VPS13B: variants seen among roughly 807,000 people sequenced by gnomAD.
VPS13B encodes the protein vacuolar protein sorting 13 homolog B.
A neutral mutation model predicts 426.4 loss-of-function variants in VPS13B; 285 were observed. The observed-to-expected ratio is 0.67, with a 90% CI of 0.61 to 0.74. The LOEUF (loss-of-function observed/expected upper bound fraction) is 0.74, where lower values mean the gene tolerates loss of function less well. Among genes scored for constraint, VPS13B ranks in the 30% least tolerant of loss-of-function variants. VPS13B has a pLI of 0.00. For missense variants in VPS13B, 4,537 were observed against 4,782.6 expected, an observed-to-expected ratio of 0.95 and a Z score of 1.51; for synonymous variants, 1,676 against 1,676.4, an observed-to-expected ratio of 1.00 and a Z score of 0.01.
chr8:99,022,054 T>A (rs1245422289), intron 2 of VPS13B, among the ~76,000 whole-genome samples: 1 of 152,134 alleles, frequency 6.6e-6, no homozygotes, highest in Non-Finnish European at 1.5e-5. Context: ...ATTAATATTT[T>A]CAAAGAACTA....
intron 31 of VPS13B, among the ~76,000 whole-genome samples, chr8:99,566,119 C>T (rs761356596): frequency 2.6e-5 from 4 of 152,118 alleles, no homozygotes; most frequent in Non-Finnish European, 5.9e-5. Flanking sequence ...TTCTTCCTTA[C>T]ATGTTGGCTG....
chr8:99,366,634 G>A (rs908468234), intron 19 of VPS13B, among the ~76,000 whole-genome samples: 5 of 149,826 alleles, frequency 3.3e-5, no homozygotes, highest in African/African-American at 4.9e-5. Context: ...TTCTTCTGCC[G>A]TTTCTTATTG....
intron 19 of VPS13B, among the ~76,000 whole-genome samples, chr8:99,301,598 C>T (rs894070477): frequency 6.6e-6 from 1 of 150,816 alleles, no homozygotes; most frequent in African/African-American, 2.4e-5. Flanking sequence ...CCAAGAGTCC[C>T]ATCTTGTTTT....
At chr8:99,285,626 T>C (rs570650832) in intron 19 of VPS13B, among the ~76,000 whole-genome samples, 1 of 152,294 alleles carries the variant, frequency 6.6e-6, no homozygotes, top group East Asian at 1.9e-4. Flanking sequence ...TATGTGAGTT[T>C]TTATTTTTGC....
chr8:99,659,347 A>G (rs941143752), intron 34 of VPS13B, among the ~76,000 whole-genome samples: 1 of 152,044 alleles, frequency 6.6e-6, no homozygotes, highest in African/African-American at 2.4e-5. Context: ...CTCTTTATAT[A>G]TTAATGGTAT....
chr8:99,646,492 T>C (rs1426984112), intron 34 of VPS13B, among the ~76,000 whole-genome samples: 1 of 152,186 alleles, frequency 6.6e-6, no homozygotes, highest in Non-Finnish European at 1.5e-5. Flanking sequence ...ATCACTGTAC[T>C]GCAGCCTGGA....
At chr8:99,471,384 A>G (rs1819396319) in intron 24 of VPS13B, among the ~76,000 whole-genome samples, 1 of 152,140 alleles carries the variant, frequency 6.6e-6, no homozygotes, top group Non-Finnish European at 1.5e-5. Context: ...AAGATGGAGT[A>G]AAAGAATCTA....
chr8:99,245,084 G>A (rs992758508), intron 17 of VPS13B, among the ~76,000 whole-genome samples: 3 of 152,156 alleles, frequency 2.0e-5, no homozygotes, highest in African/African-American at 2.4e-5. Context: ...AATTTAGTAC[G>A]GTAATTGTTT....
chr8:99,257,893 T>C (rs1817839118), intron 17 of VPS13B, among the ~76,000 whole-genome samples: 2 of 151,942 alleles, frequency 1.3e-5, no homozygotes, highest in South Asian at 4.1e-4. Context: ...ATATGACTTT[T>C]ACATAGTAGT....
At chr8:99,522,671 T>G (rs867770590) in intron 30 of VPS13B, among the ~76,000 whole-genome samples, 2 of 152,170 alleles carry the variant, frequency 1.3e-5, no homozygotes, top group Non-Finnish European at 2.9e-5. Context: ...GGGGTGACCC[T>G]GTAGACCAAG....
chr8:99,767,251 A>G (rs918671335), intron 40 of VPS13B, among the ~76,000 whole-genome samples: 4 of 152,058 alleles, frequency 2.6e-5, no homozygotes, highest in African/African-American at 7.2e-5. Flanking sequence ...AAGTTAAACA[A>G]AAAGTCTAGT....
At chr8:99,763,130 T>C (rs1811018949) in intron 39 of VPS13B, among the ~76,000 whole-genome samples, 1 of 102,530 alleles carries the variant, frequency 9.8e-6, no homozygotes, top group African/African-American at 4.9e-5. Context: ...AGTGAGACCT[T>C]GTCTCAAAAA....
intron 23 of VPS13B, among the ~76,000 whole-genome samples, chr8:99,447,225 G>C (rs899545585): frequency 6.6e-6 from 1 of 152,140 alleles, no homozygotes; most frequent in African/African-American, 2.4e-5. Flanking sequence ...GGCACTATGA[G>C]TTCAGAACCA....
At chr8:99,802,938 A>G (rs1813200945) in intron 43 of VPS13B, among the ~76,000 whole-genome samples, 1 of 152,190 alleles carries the variant, frequency 6.6e-6, no homozygotes. Context: ...ACCTTACAAG[A>G]TTGTTTTAAG....
intron 19 of VPS13B, among the ~76,000 whole-genome samples, chr8:99,365,870 G>A (rs1310249614): frequency 6.6e-6 from 1 of 151,124 alleles, no homozygotes; most frequent in East Asian, 1.9e-4. Context: ...GGGACATATT[G>A]TTTAATTTTC....
At chr8:99,042,016 T>C (rs917426576) in intron 3 of VPS13B, among the ~76,000 whole-genome samples, 1 of 151,938 alleles carries the variant, frequency 6.6e-6, no homozygotes, top group African/African-American at 2.4e-5. Context: ...TTATTTTTCT[T>C]AAAAAATTTG....
chr8:99,659,026 G>A (rs924203340), intron 34 of VPS13B, among the ~76,000 whole-genome samples: 3 of 151,954 alleles, frequency 2.0e-5, no homozygotes, highest in African/African-American at 7.3e-5. Context: ...GTAGAGCTGG[G>A]GTTTCACCAT....
chr8:99,809,677 T>A, intron 44 of VPS13B, 147 bp downstream of exon 44: 1 of 955,442 alleles, frequency 1.0e-6, no homozygotes, highest in Non-Finnish European at 1.6e-6. Context: ...AATAAATGCT[T>A]ATCTATGATC....
intron 58 of VPS13B, among the ~76,000 whole-genome samples, chr8:99,867,736 G>A (rs1173431767): frequency 6.6e-6 from 1 of 152,054 alleles, no homozygotes; most frequent in East Asian, 1.9e-4. Context: ...ACAGTCCCCA[G>A]ACCTAGTAAG....
Sources: allele counts gnomAD v4.1 joint callset (sites outside exome capture counted in the v4.1 genomes callset), GRCh38; gene constraint gnomAD v4.1.1; transcripts MANE v1.5; gene names NCBI Gene and HGNC (gene_info 2026-07-23, HGNC 2026-07-21).